SMU1: variants seen among roughly 807,000 people sequenced by gnomAD.
SMU1 encodes the protein WD40 repeat-containing protein SMU1.
SMU1 carries 2 observed loss-of-function variants against 62.0 expected under a neutral mutation model. That is an observed-to-expected ratio of 0.03 (90% CI 0.01 to 0.10). SMU1 has a LOEUF of 0.10. Among genes scored for constraint, SMU1 ranks in the 10% least tolerant of loss-of-function variants. The pLI is 1.00. For missense variants in SMU1, 227 were observed against 622.1 expected (o/e 0.36, Z 6.76); for synonymous variants, 188 against 212.4 (o/e 0.89, Z 1.00).
rs538595257 is a variant in SMU1 at position 33,072,588 on chromosome 9, T to C, written c.238-696A>G. On this transcript the variant is annotated intron_variant, in intron 2 of 11. Transcript: ENST00000397149. ...AGCTCACACCTGTAATCCCAGCATT[T>C]GGGAGGCTGAGGCAGGTGGATCACT... Among the ~76,000 whole-genome samples the C allele has an allele frequency of 2.6e-5, 4 of 152,122 alleles. No individual in the cohort carries two copies. The South Asian group carries it at 8.3e-4, about 32-fold the overall frequency.
At chr9:33,071,096 A>G (rs1004648467) in intron 3 of SMU1, among the ~76,000 whole-genome samples, 2 of 152,176 alleles carry the variant, frequency 1.3e-5, no homozygotes, top group Non-Finnish European at 2.9e-5. Flanking sequence ...CTGCATGCCT[A>G]TATCAAAATA....
At chr9:33,062,307 T>C in intron 4 of SMU1, 130 bp from the exon 5 acceptor site, 1 of 1,247,312 alleles carries the variant, frequency 8.0e-7, no homozygotes, top group Non-Finnish European at 1.1e-6. Flanking sequence ...CCAACTATTT[T>C]TGGCCATCCA....
chr9:33,057,759 A>G (rs778951874), intron 6 of SMU1, 45 bp from the exon 7 acceptor site: 1 of 1,609,358 alleles, frequency 6.2e-7, no homozygotes, highest in Non-Finnish European at 8.5e-7. Flanking sequence ...CACAAAGCCA[A>G]GACCCCAGTT....
At chr9:33,069,765 G>A (rs1358661909) in intron 3 of SMU1, among the ~76,000 whole-genome samples, 1 of 152,170 alleles carries the variant, frequency 6.6e-6, no homozygotes, top group Non-Finnish European at 1.5e-5. Flanking sequence ...TCGTGCCATT[G>A]CACTCCAGCC....
intron 10 of SMU1, among the ~76,000 whole-genome samples, chr9:33,049,384 G>T (rs919016248): frequency 6.6e-6 from 1 of 152,160 alleles, no homozygotes; most frequent in Admixed American, 6.5e-5. Flanking sequence ...ACACTTACAT[G>T]CAAGAAAATG....
chr9:33,053,419 G>T, intron 9 of SMU1, 129 bp from the exon 10 acceptor site: 1 of 926,830 alleles, frequency 1.1e-6, no homozygotes, highest in Non-Finnish European at 1.6e-6. Flanking sequence ...TTTCTTACTT[G>T]ATTTTAGGTC....
Position 33,057,729 on chromosome 9 carries a change from G to A in SMU1, c.751-15C>T, listed in dbSNP as rs779958722. On this transcript the variant is annotated splice_polypyrimidine_tract_variant and intron_variant, in intron 6 of 11. Transcript: ENST00000397149. Reference sequence around the variant, plus strand: ...TACTTAAGATCCTAAAGAAACAATGGTTAGCAGTTATCAAAATAACACAAA... The same window carrying A: ...TACTTAAGATCCTAAAGAAACAATGATTAGCAGTTATCAAAATAACACAAA... 2 of 1,612,942 alleles carry A rather than the reference G, an allele frequency of 1.2e-6. No individual in the cohort carries two copies. Among genetic ancestry groups the A allele is most frequent in the Non-Finnish European group, 1.7e-6 (2 of 1,179,780 alleles).
intron 10 of SMU1, among the ~76,000 whole-genome samples, chr9:33,049,748 T>C (rs528007148): frequency 4.4e-5 from 6 of 136,854 alleles, no homozygotes; most frequent in Non-Finnish European, 8.2e-5. Context: ...CTCAGCAACA[T>C]GGCATGACCC....
intron 10 of SMU1, among the ~76,000 whole-genome samples, chr9:33,048,646 T>A (rs930208430): frequency 2.0e-5 from 3 of 152,222 alleles, no homozygotes; most frequent in African/African-American, 7.2e-5. Flanking sequence ...GCTTTCCCCA[T>A]ACAGGATGAC....
rs759830433 is a variant in SMU1 at position 33,060,623 on chromosome 9, CT to C, written c.631-40del. The stretch of plus-strand genomic sequence containing the variant: ...AACAATGAAACAGATGCATTTTTAT[CT>C]AGTGGACTTAAAACAATTCCTTTTT... On this transcript the variant is annotated intron_variant, in intron 5 of 11. Transcript: ENST00000397149. The C allele has an allele frequency of 3.7e-6, 6 of 1,604,498 alleles. No individual in the cohort carries two copies. The East Asian group carries it at 1.3e-4, about 36-fold the overall frequency.
Position 33,057,673 on chromosome 9 carries a change from A to T in SMU1, c.792T>A (p.Asp264Glu). 1 of 1,613,952 alleles carries T rather than the reference A, an allele frequency of 6.2e-7. No homozygotes were observed. The highest frequency in any genetic ancestry group is 8.5e-7 in the Non-Finnish European group (1 of 1,179,956). ...YQAQDNFMMM[D>E]DAVLCMCFSR... ...TGAAACACATGCAGAGGACAGCATCATCCATCATCATAAAGTTATCTTGGG... is the reference window on the plus strand; with the variant it reads ...TGAAACACATGCAGAGGACAGCATCTTCCATCATCATAAAGTTATCTTGGG... Residue 264 changes from aspartate (D) to glutamate (E), a missense_variant, in exon 7 of 12, where the codon GAT (aspartate) becomes GAA (glutamate). Physicochemically the swap from Asp to Glu is conservative, Grantham distance 45. Transcript: ENST00000397149.
At chr9:33,056,705 A>AT in intron 8 of SMU1, 132 bp downstream of exon 8, 1 of 1,004,560 alleles carries the variant, frequency 1.0e-6, no homozygotes, top group South Asian at 1.6e-5. Context: ...AAGGTCTCAC[A>AT]TACCTTCCCT....
At chr9:33,076,387 G>A (rs1354201866) in intron 1 of SMU1, among the ~76,000 whole-genome samples, 196 bp downstream of exon 1, 1 of 152,138 alleles carries the variant, frequency 6.6e-6, no homozygotes, top group African/African-American at 2.4e-5. Flanking sequence ...CGAGGTTTTG[G>A]GCTTCACGTC....
At position 33,044,927 on chromosome 9, in the gene SMU1, A is replaced by G. The variant is rs1839168585; in HGVS notation, c.*2366T>C. 6.6e-6 allele frequency: 1 copy of G among 151,970 alleles called. No individual in the cohort carries two copies. 9.4% of individuals were successfully genotyped at this position (151,970 alleles called of 1,614,324 possible). A position where few individuals can be genotyped will look rare whatever the true frequency, so the allele number is the denominator to read the frequency against. On this transcript the variant is annotated 3_prime_UTR_variant, in exon 12 of 12. Coordinates refer to ENST00000397149, the MANE Select transcript of SMU1 (RefSeq NM_018225.3). The stretch of plus-strand genomic sequence containing the variant: ...TAGTCCCTCCAGGAAGCCTTTCCCA[A>G]CCCTTTCGCGTTAACTGCCCGCCTC...
intron 5 of SMU1, among the ~76,000 whole-genome samples, chr9:33,061,646 A>G (rs1839363243): frequency 2.0e-5 from 3 of 152,270 alleles, no homozygotes; most frequent in African/African-American, 7.2e-5. Flanking sequence ...CAAACATCAC[A>G]TAAGCCCACT....
At chr9:33,076,324 A>C (rs992039161) in intron 1 of SMU1, among the ~76,000 whole-genome samples, 20 of 152,226 alleles carry the variant, frequency 1.3e-4, no homozygotes, top group Admixed American at 6.5e-5. Flanking sequence ...CAGTCGGCCA[A>C]GGACAGAACT....
Position 33,057,288 on chromosome 9 carries a change from T to C in SMU1, c.867+310A>G, listed in dbSNP as rs114540246. On this transcript the variant is annotated intron_variant, in intron 7 of 11. Transcript: ENST00000397149. ...CCACAACAAATTGGCTATTAGACCA[T>C]CCCCTTAAAAAAAAAGTTAGTTATT... is the stretch of plus-strand genomic sequence containing the variant. Among the ~76,000 whole-genome samples the C allele has an allele frequency of 6.9e-3, 1,049 of 152,162 alleles. 9 individuals carry two copies. Among genetic ancestry groups the C allele is most frequent in the African/African-American group, 0.024 (979 of 41,522 alleles).
chr9:33,056,559 A>C (rs1241708820), intron 8 of SMU1, among the ~76,000 whole-genome samples: 1 of 152,184 alleles, frequency 6.6e-6, no homozygotes, highest in African/African-American at 2.4e-5. Context: ...AGACCCTCTA[A>C]AGTGATTATG....
intron 6 of SMU1, among the ~76,000 whole-genome samples, chr9:33,058,070 C>G (rs1839321295): frequency 6.6e-6 from 1 of 151,974 alleles, no homozygotes; most frequent in South Asian, 2.1e-4. Context: ...ATATTTTTTC[C>G]AAATGATCAG....
Sources: allele counts gnomAD v4.1 joint callset (sites outside exome capture counted in the v4.1 genomes callset), GRCh38; gene constraint gnomAD v4.1.1; transcripts MANE v1.5; gene names NCBI Gene and HGNC (gene_info 2026-07-23, HGNC 2026-07-21).